The following DPP4 variants were observed in gnomAD, a reference collection of about 807,000 sequenced individuals.
DPP4 encodes the protein dipeptidyl peptidase 4, also known as ADCP-2.
A neutral mutation model predicts 122.4 loss-of-function variants in DPP4; 93 were observed. The observed-to-expected ratio is 0.76, with a 90% CI of 0.64 to 0.90. DPP4 has a LOEUF of 0.90. DPP4 is among the 40% of genes least tolerant of loss of function. The pLI, the probability that DPP4 is intolerant of heterozygous loss-of-function variation, is 0.00. For missense variants in DPP4, 914 were observed against 907.3 expected (o/e 1.01, Z -0.09); for synonymous variants, 321 against 302.9 (o/e 1.06, Z -0.62).
chr2:162,053,400 A>G (rs1576067506), intron 2 of DPP4, among the ~76,000 whole-genome samples: 1 of 152,326 alleles, frequency 6.6e-6, no homozygotes, highest in East Asian at 1.9e-4. Flanking sequence ...CCACACATAA[A>G]ATACACCAAC....
At chr2:162,047,268 A>G (rs898793571) in intron 3 of DPP4, 135 bp downstream of exon 3, 1 of 512,170 alleles carries the variant, frequency 2.0e-6, no homozygotes, top group Admixed American at 3.7e-5. Flanking sequence ...CTTCAAGTAG[A>G]AAAAGAAAAA....
At chr2:162,062,228 G>C (rs1395484733) in intron 2 of DPP4, among the ~76,000 whole-genome samples, 2 of 152,192 alleles carry the variant, frequency 1.3e-5, no homozygotes, top group Non-Finnish European at 2.9e-5. Context: ...GTTGCAGTGA[G>C]CTGAGACTGC....
At chr2:162,045,106 G>A (rs1684126879) in intron 5 of DPP4, among the ~76,000 whole-genome samples, 1 of 151,828 alleles carries the variant, frequency 6.6e-6, no homozygotes, top group Non-Finnish European at 1.5e-5. Context: ...GGGACTATAG[G>A]TGCATGCCAC....
At chr2:162,032,947 T>C (rs1683609704) in intron 10 of DPP4, among the ~76,000 whole-genome samples, 1 of 152,222 alleles carries the variant, frequency 6.6e-6, no homozygotes, top group Non-Finnish European at 1.5e-5. Context: ...TGCATTTCTC[T>C]AGGCCTTACA....
intron 10 of DPP4, among the ~76,000 whole-genome samples, chr2:162,028,691 G>A (rs767699123): frequency 5.5e-4 from 84 of 152,142 alleles, no homozygotes; most frequent in African/African-American, 1.8e-3. Flanking sequence ...CTAAAATGAC[G>A]GAGTAATTTC....
At chr2:162,001,402 G>A (rs1446107876) in intron 23 of DPP4, among the ~76,000 whole-genome samples, 3 of 152,180 alleles carry the variant, frequency 2.0e-5, no homozygotes, top group Non-Finnish European at 4.4e-5. Context: ...CTAAGGTATA[G>A]AATTCCTGGG....
chr2:162,063,884 T>C (rs1320406529), intron 2 of DPP4, among the ~76,000 whole-genome samples: 1 of 152,160 alleles, frequency 6.6e-6, no homozygotes, highest in African/African-American at 2.4e-5. Flanking sequence ...TGTATGTTCA[T>C]GATCAAATAG....
intron 16 of DPP4, chr2:162,017,537 G>C: frequency 5.6e-6 from 1 of 179,080 alleles, no homozygotes; most frequent in Non-Finnish European, 1.2e-5. Flanking sequence ...GCTCTGCCCA[G>C]GTGGGCTGCA....
chr2:162,004,372 G>A (rs1701229012), intron 23 of DPP4, among the ~76,000 whole-genome samples: 1 of 152,148 alleles, frequency 6.6e-6, no homozygotes, highest in Non-Finnish European at 1.5e-5. Flanking sequence ...GCTTATGGGA[G>A]GTGGAGGAGA....
chr2:162,069,101 A>G (rs1014994654), intron 2 of DPP4, among the ~76,000 whole-genome samples: 6 of 152,196 alleles, frequency 3.9e-5, no homozygotes, highest in African/African-American at 1.4e-4. Flanking sequence ...TTATTGTTTT[A>G]AGTTCTGAGG....
At chr2:162,019,643 G>GC (rs1343778609) in intron 14 of DPP4, among the ~76,000 whole-genome samples, 1 of 151,988 alleles carries the variant, frequency 6.6e-6, no homozygotes, top group Non-Finnish European at 1.5e-5. Context: ...TATAACATAA[G>GC]CTACTAGATG....
At chr2:161,995,789 A>G (rs765069016) in intron 23 of DPP4, among the ~76,000 whole-genome samples, 1 of 152,212 alleles carries the variant, frequency 6.6e-6, no homozygotes, top group Non-Finnish European at 1.5e-5. Flanking sequence ...GGTGCCATAC[A>G]TGCTACATTT....
chr2:162,053,396 A>G lies in DPP4; in HGVS notation c.95-5895T>C, dbSNP rs535042342. On this transcript the variant is annotated intron_variant, in intron 2 of 25. Transcript: ENST00000360534. ...TGAGAAGAATTGTCTTGGGCCACAC[A>G]TAAAATACACCAACGATAGCTGAAT... Among the ~76,000 whole-genome samples the G allele has an allele frequency of 5.3e-5, 8 of 152,342 alleles. No homozygotes were observed. The East Asian group carries it at 1.2e-3, about 22-fold the overall frequency.
intron 25 of DPP4, among the ~76,000 whole-genome samples, chr2:161,993,839 T>C (rs1289520256): frequency 6.6e-6 from 1 of 150,756 alleles, no homozygotes; most frequent in Non-Finnish European, 1.5e-5. Context: ...TGTATTAAAC[T>C]AAATGATTTT....
intron 14 of DPP4, 23 bp downstream of exon 14, chr2:162,020,206 C>T (rs1424950150): frequency 6.3e-7 from 1 of 1,592,990 alleles, no homozygotes; most frequent in Non-Finnish European, 8.5e-7. Flanking sequence ...GGTTTATATC[C>T]TATCAATTGT....
In DPP4 at chr2:162,038,057, T is replaced by C. The variant is rs904599456; in HGVS notation, c.613+245A>G. ...AAGGTCTACCTACACAGAAAAGCCCTTTGTATCAATATAACAGAGACAAGA... is the reference window on the plus strand; with the variant it reads ...AAGGTCTACCTACACAGAAAAGCCCCTTGTATCAATATAACAGAGACAAGA... On this transcript the variant is annotated intron_variant, in intron 8 of 25. Coordinates refer to ENST00000360534, the MANE Select transcript of DPP4 (RefSeq NM_001935.4). Among the ~76,000 whole-genome samples the C allele has an allele frequency of 2.0e-5, 3 of 152,296 alleles. No homozygotes were observed. The East Asian group carries it at 5.8e-4, about 29-fold the overall frequency.
At chr2:162,052,498 C>T (rs1019328056) in intron 2 of DPP4, among the ~76,000 whole-genome samples, 5 of 152,080 alleles carry the variant, frequency 3.3e-5, no homozygotes, top group African/African-American at 1.2e-4. Context: ...ACTTCTCAGC[C>T]TCCAGAACTG....
chr2:161,993,918 A>G (rs1177261206), intron 25 of DPP4, among the ~76,000 whole-genome samples: 8 of 152,210 alleles, frequency 5.3e-5, no homozygotes. Context: ...TATTACATAT[A>G]TATGTTTAAT....
rs1337499731 is a variant in DPP4 at position 162,035,156 on chromosome 2, G to C, written c.774+8C>G. Reference sequence around the variant, plus strand: ...TCATGGAACCACTGTACAAACAGGAGCACAGACCTTTGGATATGGAACCCG... The same window carrying C: ...TCATGGAACCACTGTACAAACAGGACCACAGACCTTTGGATATGGAACCCG... On this transcript the variant is annotated splice_region_variant and intron_variant, in intron 9 of 25. Coordinates refer to ENST00000360534, the MANE Select transcript of DPP4 (RefSeq NM_001935.4). 6.2e-7 allele frequency: 1 copy of C among 1,610,984 alleles called. No homozygotes were observed. Among genetic ancestry groups the C allele is most frequent in the Non-Finnish European group, 8.5e-7 (1 of 1,178,872 alleles).
Sources: allele counts gnomAD v4.1 joint callset (sites outside exome capture counted in the v4.1 genomes callset), GRCh38; gene constraint gnomAD v4.1.1; transcripts MANE v1.5; gene names NCBI Gene and HGNC (gene_info 2026-07-23, HGNC 2026-07-21).